The following UFSP2 variants were observed in gnomAD, a reference collection of about 807,000 sequenced individuals.
UFSP2 encodes UFM1 specific peptidase 2.
A neutral mutation model predicts 60.2 loss-of-function variants in UFSP2; 43 were observed. The ratio of observed to expected loss-of-function variants is 0.71; its 90% CI spans 0.56 to 0.92. The LOEUF is 0.92. UFSP2 is among the 40% of genes least tolerant of loss of function. The pLI is 0.00. For missense variants in UFSP2, 520 were observed against 575.0 expected, an observed-to-expected ratio of 0.90 and a Z score of 0.98; for synonymous variants, 183 against 195.1, an observed-to-expected ratio of 0.94 and a Z score of 0.52.
intron 7 of UFSP2, among the ~76,000 whole-genome samples, chr4:185,409,508 T>A (rs1049620153): frequency 6.6e-6 from 1 of 152,030 alleles, no homozygotes; most frequent in Admixed American, 6.6e-5. Context: ...ATGATATTTT[T>A]AAAAAATTAA....
At chr4:185,425,777 G>A in intron 1 of UFSP2, 89 bp downstream of exon 1, 2 of 1,547,658 alleles carry the variant, frequency 1.3e-6, no homozygotes, top group Admixed American at 1.9e-5. Context: ...GGCAGGACCA[G>A]CTCCTTTCAG....
At chr4:185,421,848 T>C (rs552592183) in intron 2 of UFSP2, among the ~76,000 whole-genome samples, 7 of 152,328 alleles carry the variant, frequency 4.6e-5, no homozygotes, top group Admixed American at 2.0e-4. Context: ...TTCAGAGACA[T>C]TACATTCTCT....
chr4:185,408,460 A>G, intron 7 of UFSP2, 25 bp from the exon 8 acceptor site: 1 of 1,605,498 alleles, frequency 6.2e-7, no homozygotes, highest in Non-Finnish European at 8.5e-7. Flanking sequence ...GAAACACAGT[A>G]AAATATTAAC....
chr4:185,407,808 T>A, intron 9 of UFSP2, 128 bp downstream of exon 9: 1 of 985,860 alleles, frequency 1.0e-6, no homozygotes, highest in Non-Finnish European at 1.4e-6. Flanking sequence ...TATAAAGCAA[T>A]GAGTAATAAG....
intron 2 of UFSP2, 66 bp downstream of exon 2, chr4:185,422,419 T>G: frequency 8.5e-7 from 1 of 1,176,788 alleles, no homozygotes. Context: ...ATTTGCAAAG[T>G]GGAAATAATC....
In UFSP2 at chr4:185,403,982, AAAAAAC is replaced by A. The variant is rs2095516620; in HGVS notation, c.1199-370_1199-365del. Reference sequence around the variant, plus strand: ...CAAGACTCTCAAAAAAAAAAACAAAAAAAAACAACATTACTTTGCTTATTAACTGAT... The same window carrying A: ...CAAGACTCTCAAAAAAAAAAACAAAAAACATTACTTTGCTTATTAACTGAT... On this transcript the variant is annotated intron_variant, in intron 10 of 11. Transcript: ENST00000264689. Among the ~76,000 whole-genome samples the A allele has an allele frequency of 1.3e-5, 2 of 151,022 alleles. 1 individual carries two copies. Among genetic ancestry groups the A allele is most frequent in the Non-Finnish European group, 3.0e-5 (2 of 67,642 alleles).
chr4:185,412,139 T>C (rs1275863889), intron 7 of UFSP2, among the ~76,000 whole-genome samples: 1 of 152,232 alleles, frequency 6.6e-6, no homozygotes, highest in Non-Finnish European at 1.5e-5. Flanking sequence ...AATTTGCATA[T>C]GTTATATGTA....
chr4:185,414,726 C>T (rs1160665501), intron 6 of UFSP2, among the ~76,000 whole-genome samples: 1 of 152,170 alleles, frequency 6.6e-6, no homozygotes, highest in Non-Finnish European at 1.5e-5. Flanking sequence ...AATAACCTTA[C>T]TTGTGGAGTA....
rs567429003 is a variant in UFSP2 at position 185,403,502 on chromosome 4, A to G, written c.1315T>C (p.Leu439=). 1.0e-4 allele frequency: 163 copies of G among 1,612,664 alleles called. No individual in the cohort carries two copies. Among genetic ancestry groups the G allele is most frequent in the Non-Finnish European group, 1.3e-4 (157 of 1,179,652 alleles). Residue 439 remains leucine, a synonymous_variant, in exon 11 of 12, where the codon TTG becomes CTG. Coordinates refer to ENST00000264689, the MANE Select transcript of UFSP2 (RefSeq NM_018359.5). ...YTGAEDLQVI[L]EKGWCGWKGP... ...GTTAAATGGATACTTACCTTTTCCA[A>G]AATAACTTGCAGGTCTTCAGCACCG...
intron 10 of UFSP2, among the ~76,000 whole-genome samples, chr4:185,404,174 G>A (rs2126878249): frequency 6.6e-6 from 1 of 151,838 alleles, no homozygotes; most frequent in South Asian, 2.1e-4. Flanking sequence ...TACCTAAAAT[G>A]GATTTAGAAA....
Position 185,402,361 on chromosome 4 carries a change from G to GA in UFSP2, c.1323+1132dup, listed in dbSNP as rs531366062. ...TTCCAAATGCTGTGAAAGAGAAAAG[G>GA]AAAAAAAAACACTTAAAACTGTAAC... On this transcript the variant is annotated intron_variant, in intron 11 of 11. Transcript: ENST00000264689. 3.9e-3 allele frequency: 1,648 copies of GA among 425,578 alleles called. 11 individuals are homozygous for GA. The highest frequency in any genetic ancestry group is 0.024 in the African/African-American group (1,116 of 47,112). 26.4% of individuals were successfully genotyped at this position (425,578 alleles called of 1,614,324 possible).
intron 2 of UFSP2, among the ~76,000 whole-genome samples, chr4:185,421,836 C>T (rs1371360430): frequency 6.6e-6 from 1 of 152,160 alleles, no homozygotes; most frequent in East Asian, 1.9e-4. Flanking sequence ...TAACTATCAC[C>T]CTTCAGAGAC....
At chr4:185,402,210 C>T (rs1485167918) in intron 11 of UFSP2, 3 of 436,078 alleles carry the variant, frequency 6.9e-6, no homozygotes, top group Non-Finnish European at 9.1e-6. Flanking sequence ...TAGGACAGTG[C>T]CTGGCACTTG....
intron 2 of UFSP2, among the ~76,000 whole-genome samples, chr4:185,419,091 C>T (rs1391965280): frequency 6.6e-6 from 1 of 152,086 alleles, no homozygotes; most frequent in Non-Finnish European, 1.5e-5. Flanking sequence ...CTCATTCCCC[C>T]TACTTTTCTC....
chr4:185,406,379 C>A (rs912927356), intron 9 of UFSP2, among the ~76,000 whole-genome samples: 5 of 152,080 alleles, frequency 3.3e-5, no homozygotes, highest in African/African-American at 1.2e-4. Flanking sequence ...GTGCAACATA[C>A]TATTTTTAGG....
intron 7 of UFSP2, among the ~76,000 whole-genome samples, chr4:185,409,080 C>T (rs1012913781): frequency 2.6e-5 from 4 of 152,044 alleles, no homozygotes; most frequent in South Asian, 2.1e-4. Flanking sequence ...TTCTACAACA[C>T]GCCTGGCACA....
intron 10 of UFSP2, among the ~76,000 whole-genome samples, chr4:185,404,566 G>C (rs1466433523): frequency 6.6e-6 from 1 of 151,164 alleles, no homozygotes; most frequent in Non-Finnish European, 1.5e-5. Flanking sequence ...CAAAGTGCTG[G>C]GATTACAGGC....
chr4:185,417,691 C>T (rs756915723), intron 4 of UFSP2, among the ~76,000 whole-genome samples: 1 of 152,148 alleles, frequency 6.6e-6, no homozygotes, highest in South Asian at 2.1e-4. Context: ...CATTTTCTAT[C>T]TTCAATATCT....
chr4:185,408,188 T>C (rs1324748090), intron 8 of UFSP2, 83 bp downstream of exon 8: 2 of 1,545,912 alleles, frequency 1.3e-6, no homozygotes, highest in Non-Finnish European at 1.8e-6. Context: ...GTCTGCACCA[T>C]GAGGTAACAA....
Sources: gnomAD v4.1 joint callset for allele counts (sites outside exome capture counted in the v4.1 genomes callset) on GRCh38, gnomAD v4.1.1 for gene constraint, MANE v1.5 for transcripts, NCBI Gene and HGNC (gene_info 2026-07-23, HGNC 2026-07-21) for gene names.